The following CHD1L variants were observed in gnomAD, a reference collection of about 807,000 sequenced individuals.
CHD1L encodes chromodomain helicase DNA binding protein 1 like, also known as ATP-dependent chromatin remodeler CHD1L.
In CHD1L, 118 loss-of-function variants were observed where a neutral mutation model predicts 115.9. That is an observed-to-expected ratio of 1.02 (90% CI 0.88 to 1.19). The LOEUF (loss-of-function observed/expected upper bound fraction) is 1.19, where lower values mean the gene tolerates loss of function less well. Ranked by LOEUF, CHD1L falls within the 50% of genes most tolerant of loss-of-function variation. The pLI is 0.00. For synonymous variants in CHD1L, 411 were observed against 387.1 expected (o/e 1.06, Z -0.72); for missense variants, 1,179 against 1,065.3 (o/e 1.11, Z -1.49).
intron 12 of CHD1L, among the ~76,000 whole-genome samples, 169 bp from the exon 13 acceptor site, chr1:147,275,185 C>G (rs1288582171): frequency 6.6e-6 from 1 of 152,200 alleles, no homozygotes; most frequent in African/African-American, 2.4e-5. Flanking sequence ...TAGCACTTCT[C>G]ACCGCTGGAA....
intron 20 of CHD1L, among the ~76,000 whole-genome samples, chr1:147,293,327 T>C (rs1553972364): frequency 6.6e-6 from 1 of 151,756 alleles, no homozygotes; most frequent in Non-Finnish European, 1.5e-5. Context: ...TTTTTAACCC[T>C]TGAGAGCTTT....
chr1:147,255,056 AAAC>A, intron 3 of CHD1L, 80 bp downstream of exon 3: 1 of 1,051,840 alleles, frequency 9.5e-7, no homozygotes, highest in South Asian at 1.8e-5. Flanking sequence ...AAATATGATA[AAAC>A]AACCTATTGT....
intron 10 of CHD1L, 28 bp from the exon 11 acceptor site, chr1:147,270,904 C>T (rs1253919598): frequency 6.2e-6 from 10 of 1,601,108 alleles, no homozygotes; most frequent in Non-Finnish European, 8.6e-6. Context: ...CTAGACTTGG[C>T]AGTGTTTCCT....
intron 12 of CHD1L, 166 bp downstream of exon 12, chr1:147,272,447 C>G: frequency 1.9e-6 from 1 of 528,280 alleles, no homozygotes; most frequent in Non-Finnish European, 3.3e-6. Context: ...TTCTATCCAG[C>G]CTGTCCAAAC....
chr1:147,200,411 C>G, the CHD1L span, among the ~76,000 whole-genome samples: 1 of 152,046 alleles, frequency 6.6e-6, no homozygotes, highest in South Asian at 2.1e-4. Flanking sequence ...AAAAATTTTT[C>G]TCTCTCTCCT....
the CHD1L span, among the ~76,000 whole-genome samples, chr1:147,193,613 G>C: frequency 6.6e-6 from 1 of 151,930 alleles, no homozygotes. Context: ...TGTCAATTTT[G>C]GATCTTTCCT....
chr1:147,230,957 G>T, the CHD1L span, among the ~76,000 whole-genome samples: 2 of 151,688 alleles, frequency 1.3e-5, no homozygotes, highest in East Asian at 1.9e-4. Context: ...CAAAAAAAAA[G>T]CTCCTGGATT....
intron 10 of CHD1L, among the ~76,000 whole-genome samples, chr1:147,270,719 G>A (rs1480439618): frequency 6.6e-6 from 1 of 152,126 alleles, no homozygotes; most frequent in South Asian, 2.1e-4. Flanking sequence ...TCTAGTTTGA[G>A]GATGACTGCT....
At chr1:147,174,101 A>G in the CHD1L span, among the ~76,000 whole-genome samples, 1 of 150,894 alleles carries the variant, frequency 6.6e-6, no homozygotes, top group South Asian at 2.1e-4. Context: ...CAAATTCACT[A>G]CTCCCCTATT....
chr1:147,204,834 T>A, the CHD1L span: 1 of 1,602,756 alleles, frequency 6.2e-7, no homozygotes, highest in Non-Finnish European at 8.5e-7. Flanking sequence ...TGCAAGCTTG[T>A]ATGTTTCTAT....
the CHD1L span, among the ~76,000 whole-genome samples, chr1:147,233,479 T>C: frequency 2.2e-5 from 2 of 92,036 alleles, no homozygotes; most frequent in African/African-American, 1.0e-4. Context: ...GTGGGGGGGG[T>C]CAGCCCCCCG....
intron 16 of CHD1L, 73 bp downstream of exon 16, chr1:147,284,572 G>A: frequency 3.0e-6 from 4 of 1,318,294 alleles, no homozygotes; most frequent in Non-Finnish European, 4.1e-6. Context: ...AAATGATGCT[G>A]GCATCGTTTT....
chr1:147,198,876 G>GAAAGA, the CHD1L span, among the ~76,000 whole-genome samples: 2 of 107,836 alleles, frequency 1.9e-5, no homozygotes, highest in Admixed American at 1.9e-4. Context: ...AAAAAAAAAA[G>GAAAGA]AAAGAAAGAT....
chr1:147,210,012 C>T, the CHD1L span: 2 of 152,330 alleles, frequency 1.3e-5, no homozygotes, highest in Non-Finnish European at 2.9e-5. Context: ...AGATTATCAT[C>T]ACTTCCATTT....
At chr1:147,252,240 A>G (rs1271773498) in intron 1 of CHD1L, among the ~76,000 whole-genome samples, 1 of 152,190 alleles carries the variant, frequency 6.6e-6, no homozygotes, top group Non-Finnish European at 1.5e-5. Flanking sequence ...CAATTAAACA[A>G]GCAGACACAT....
chr1:147,240,557 G>C (rs1448795487), upstream of CHD1L, among the ~76,000 whole-genome samples: 2 of 152,026 alleles, frequency 1.3e-5, no homozygotes, highest in Non-Finnish European at 2.9e-5. Context: ...AGAAAGGAAG[G>C]CCTCTTTGCA....
chr1:147,258,856 T>C (rs1553942050), intron 5 of CHD1L: 4 of 152,208 alleles, frequency 2.6e-5, no homozygotes, highest in Non-Finnish European at 5.9e-5. Flanking sequence ...GATTCCAGAA[T>C]GTTTATAATC....
At chr1:147,179,666 AC>A in the CHD1L span, 1 of 1,181,860 alleles carries the variant, frequency 8.5e-7, no homozygotes, top group Non-Finnish European at 1.3e-6. Flanking sequence ...GGACTCTTCC[AC>A]CAGAGATGGG....
At chr1:147,258,596 C>A (rs1670885205) in intron 5 of CHD1L, among the ~76,000 whole-genome samples, 1 of 152,160 alleles carries the variant, frequency 6.6e-6, no homozygotes, top group Non-Finnish European at 1.5e-5. Flanking sequence ...TCTTTGGACC[C>A]TCAGTCCTCC....
Sources: gnomAD v4.1 joint callset for allele counts (sites outside exome capture counted in the v4.1 genomes callset) on GRCh38, gnomAD v4.1.1 for gene constraint, MANE v1.5 for transcripts, NCBI Gene and HGNC (gene_info 2026-07-23, HGNC 2026-07-21) for gene names.